Variants in ATP7A observed in about 807,000 individuals in gnomAD.
ATP7A encodes the protein ATPase copper transporting alpha, also known as copper-transporting ATPase 1.
ATP7A carries 7 observed loss-of-function variants against 83.5 expected under a neutral mutation model. That is an observed-to-expected ratio of 0.08 (90% CI 0.05 to 0.16). The LOEUF (loss-of-function observed/expected upper bound fraction) is 0.16. Among genes scored for constraint, ATP7A ranks in the 10% least tolerant of loss-of-function variants. The pLI, the probability that ATP7A is intolerant of heterozygous loss-of-function variation, is 1.00. For synonymous variants in ATP7A, 354 were observed against 395.2 expected (o/e 0.90, Z 1.24); for missense variants, 940 against 1,120.8 (o/e 0.84, Z 2.30).
At chrX:77,977,963 A>T (rs981987379) in intron 2 of ATP7A, among the ~76,000 whole-genome samples, 18 of 111,328 alleles carry the variant, frequency 1.6e-4, no homozygotes, top group Non-Finnish European at 3.0e-4. Context: ...CCAGAGAGAG[A>T]TTTTCTGTGA....
chrX:77,937,892 CACACACACACACACACACAT>C (rs1253275803), intron 1 of ATP7A, among the ~76,000 whole-genome samples: 5 of 107,389 alleles, frequency 4.7e-5, no homozygotes, highest in Non-Finnish European at 9.6e-5. Context: ...CTCTCTCACA[CACACACACACACACACACAT>C]ACACACACAC....
In ATP7A at chrX:77,965,379, C is replaced by T. The variant is rs782498471; in HGVS notation, c.-21-6242C>T. 2.5e-4 allele frequency: 79 copies of T among 318,048 alleles called. No homozygotes were observed. The Middle Eastern group carries it at 3.8e-3, about 15-fold the overall frequency. The allele number at this position is 318,048 out of a possible 1,213,427, so 26.2% of individuals were successfully genotyped here. On this transcript the variant is annotated intron_variant, in intron 1 of 22. Coordinates refer to ENST00000341514, the MANE Select transcript of ATP7A (RefSeq NM_000052.7). ...TAGAGTGCTTGAATAGACATTTCTT[C>T]GAAGATATACAAATACCCAATAAGC... is the stretch of plus-strand genomic sequence containing the variant.
chrX:77,919,049 G>A (rs968422383), intron 1 of ATP7A, among the ~76,000 whole-genome samples: 9 of 111,541 alleles, frequency 8.1e-5, no homozygotes, highest in Non-Finnish European at 9.4e-5. Flanking sequence ...TAACTGCCTC[G>A]TCTAATTCAT....
At chrX:77,947,088 GAATTA>G (rs2077384304) in intron 1 of ATP7A, among the ~76,000 whole-genome samples, 1 of 111,910 alleles carries the variant, frequency 8.9e-6, no homozygotes, top group Non-Finnish European at 1.9e-5. Context: ...CTTTAAAAAG[GAATTA>G]AATTCTGACA....
chrX:77,916,017 G>T (rs377525851), intron 1 of ATP7A, among the ~76,000 whole-genome samples: 85 of 111,688 alleles, frequency 7.6e-4, no homozygotes, highest in African/African-American at 1.6e-3. Flanking sequence ...TACCGCTCCC[G>T]GCCCTGCCAC....
chrX:77,998,639 G>A lies in ATP7A; in HGVS notation c.1498G>A (p.Ala500Thr), dbSNP rs2149087885. The A allele has an allele frequency of 8.3e-7, 1 of 1,211,816 alleles. No homozygotes were observed. The highest frequency in any genetic ancestry group is 1.1e-6 in the Non-Finnish European group (1 of 895,534). ...CATACAGGTCACTGGCATGACTTGC[G>A]CTTCCTGTGTAGCAAACATTGAACG... The part of the protein sequence containing the change: ...CYIQVTGMTC[A>T]SCVANIERNL... Residue 500 changes from alanine (A) to threonine (T), a missense_variant, in exon 5 of 23, where the codon GCT becomes ACT. Physicochemically the swap from Ala to Thr is moderately conservative, Grantham distance 58. Coordinates refer to ENST00000341514, the MANE Select transcript of ATP7A (RefSeq NM_000052.7).
chrX:77,944,159 A>G (rs188859207), intron 1 of ATP7A, among the ~76,000 whole-genome samples: 214 of 112,594 alleles, frequency 1.9e-3, no homozygotes, highest in African/African-American at 6.4e-3. Flanking sequence ...GTTTGTATTT[A>G]AATTTCTCAA....
intron 1 of ATP7A, among the ~76,000 whole-genome samples, chrX:77,940,289 A>G (rs2077344741): frequency 9.0e-6 from 1 of 111,028 alleles, no homozygotes; most frequent in Admixed American, 9.7e-5. Context: ...TGGCACCAAA[A>G]TAGAATAACA....
At chrX:77,939,864 AT>A (rs782267186) in intron 1 of ATP7A, among the ~76,000 whole-genome samples, 10 of 107,038 alleles carry the variant, frequency 9.3e-5, no homozygotes, top group Non-Finnish European at 1.2e-4. Context: ...ATTCCTTAGT[AT>A]TTTTTTTTGT....
At chrX:77,956,782 T>TCTTTCTTTCTTC (rs2077446320) in intron 1 of ATP7A, among the ~76,000 whole-genome samples, 1 of 103,256 alleles carries the variant, frequency 9.7e-6, no homozygotes, top group East Asian at 3.0e-4. Flanking sequence ...TTTCTTTCTT[T>TCTTTCTTTCTTC]CTTTCTCTTT....
chrX:78,009,014 T>A, intron 6 of ATP7A, 88 bp from the exon 7 acceptor site: 1 of 933,623 alleles, frequency 1.1e-6, no homozygotes, highest in Non-Finnish European at 1.5e-6. Flanking sequence ...AGAGACTCTG[T>A]CTCAAAAAAA....
At chrX:77,958,640 A>G (rs2077458391) in intron 1 of ATP7A, among the ~76,000 whole-genome samples, 1 of 110,603 alleles carries the variant, frequency 9.0e-6, no homozygotes. Flanking sequence ...ACTGTCATTG[A>G]TATTTTTATA....
intron 1 of ATP7A, among the ~76,000 whole-genome samples, chrX:77,961,055 C>T (rs1356886957): frequency 2.7e-5 from 3 of 110,208 alleles, no homozygotes; most frequent in East Asian, 5.7e-4. Context: ...GGAATTCCTC[C>T]AAGGTTTCAT....
At chrX:78,031,323 C>A in intron 15 of ATP7A, 77 bp from the exon 16 acceptor site, 1 of 1,019,922 alleles carries the variant, frequency 9.8e-7, no homozygotes, top group Non-Finnish European at 1.4e-6. Context: ...ATCTCTTTGT[C>A]AAAACAGACC....
At chrX:78,027,068 C>G (rs782461455) in intron 14 of ATP7A, among the ~76,000 whole-genome samples, 1 of 108,054 alleles carries the variant, frequency 9.3e-6, no homozygotes, top group Non-Finnish European at 1.9e-5. Context: ...GAGAATTGCT[C>G]GAACCCAGGA....
chrX:77,914,527 G>T (rs2077175425), intron 1 of ATP7A, among the ~76,000 whole-genome samples: 1 of 111,275 alleles, frequency 9.0e-6, no homozygotes, highest in African/African-American at 3.3e-5. Context: ...AGTCTCCCAA[G>T]TAGCGGGGAT....
At chrX:77,957,054 C>T (rs370805881) in intron 1 of ATP7A, among the ~76,000 whole-genome samples, 21 of 110,509 alleles carry the variant, frequency 1.9e-4, no homozygotes, top group African/African-American at 6.9e-4. Context: ...GCTTTGGCAT[C>T]CCAAAGTGGT....
At chrX:78,042,160 C>T (rs1031318311) in intron 19 of ATP7A, among the ~76,000 whole-genome samples, 11 of 106,856 alleles carry the variant, frequency 1.0e-4, no homozygotes, top group Non-Finnish European at 2.1e-4. Context: ...TTTATTCTTT[C>T]TATACTGAAT....
chrX:78,022,351 A>G (rs2077912059), intron 14 of ATP7A, among the ~76,000 whole-genome samples: 1 of 111,090 alleles, frequency 9.0e-6, no homozygotes, highest in South Asian at 3.8e-4. Flanking sequence ...ACTGTTACTG[A>G]TAAGAGCTGC....
Sources: gnomAD v4.1 joint callset for allele counts (sites outside exome capture counted in the v4.1 genomes callset) on GRCh38, gnomAD v4.1.1 for gene constraint, MANE v1.5 for transcripts, NCBI Gene and HGNC (gene_info 2026-07-23, HGNC 2026-07-21) for gene names.